NTM: variants seen among roughly 807,000 people sequenced by gnomAD.
NTM encodes IgLON family member 2.
NTM carries 13 observed loss-of-function variants against 42.1 expected under a neutral mutation model. The ratio of observed to expected loss-of-function variants is 0.31; its 90% CI spans 0.20 to 0.49. The LOEUF is 0.49. NTM is among the 20% of genes least tolerant of loss of function. The probability of loss-of-function intolerance (pLI) is 0.99; values close to 1 mark genes in which losing one functional copy is unlikely to be tolerated. For synonymous variants in NTM, 187 were observed against 179.2 expected (o/e 1.04, Z -0.35); for missense variants, 373 against 452.8 (o/e 0.82, Z 1.60).
intron 7 of NTM, among the ~76,000 whole-genome samples, chr11:132,315,666 A>G (rs1046865119): frequency 8.5e-5 from 13 of 152,190 alleles, no homozygotes; most frequent in African/African-American, 3.1e-4. Flanking sequence ...TGGCCCAGCC[A>G]TGTGCCCTCG....
chr11:132,230,647 A>G (rs936405582), intron 4 of NTM, among the ~76,000 whole-genome samples: 1 of 152,248 alleles, frequency 6.6e-6, no homozygotes, highest in African/African-American at 2.4e-5. Context: ...TCAAGTTAAG[A>G]CCGTGATAGG....
chr11:131,961,729 G>A (rs1466033820), intron 2 of NTM, among the ~76,000 whole-genome samples: 1 of 152,110 alleles, frequency 6.6e-6, no homozygotes, highest in Non-Finnish European at 1.5e-5. Context: ...CCCTGAGAGG[G>A]GGTCAAAAGT....
intron 1 of NTM, among the ~76,000 whole-genome samples, chr11:131,832,936 G>C (rs2043007227): frequency 1.3e-5 from 2 of 152,160 alleles, no homozygotes; most frequent in Admixed American, 6.6e-5. Flanking sequence ...GTTGTAATGA[G>C]ATTTCTCCTT....
chr11:131,853,237 A>C (rs2136859669), intron 1 of NTM, among the ~76,000 whole-genome samples: 1 of 152,102 alleles, frequency 6.6e-6, no homozygotes, highest in Middle Eastern at 3.4e-3. Context: ...TCTTTTTTTA[A>C]ATTTCCAACT....
chr11:131,819,001 C>G (rs1565590537), intron 1 of NTM, among the ~76,000 whole-genome samples: 1 of 152,204 alleles, frequency 6.6e-6, no homozygotes, highest in Non-Finnish European at 1.5e-5. Context: ...ATCATCCCCT[C>G]CTAACTGTTT....
chr11:131,777,085 A>G, intron 1 of NTM: 1 of 957,182 alleles, frequency 1.0e-6, no homozygotes, highest in African/African-American at 1.8e-5. Flanking sequence ...AGGTGTTGGA[A>G]GAAATTATTG....
intron 1 of NTM, among the ~76,000 whole-genome samples, chr11:131,729,194 A>G (rs527360531): frequency 6.6e-6 from 1 of 152,274 alleles, no homozygotes; most frequent in South Asian, 2.1e-4. Flanking sequence ...AAATGAGTTA[A>G]TACACGTAAA....
intron 3 of NTM, among the ~76,000 whole-genome samples, chr11:132,176,722 GTTTTTTTTTTTTT>G (rs148699196): frequency 1.2e-5 from 1 of 82,004 alleles, no homozygotes; most frequent in African/African-American, 4.8e-5. Context: ...CATGCCTAAA[GTTTTTTTTTTTTT>G]TTTTTTTTTT....
At chr11:132,169,396 C>T (rs1025265436) in intron 3 of NTM, among the ~76,000 whole-genome samples, 37 of 114,070 alleles carry the variant, frequency 3.2e-4, no homozygotes, top group African/African-American at 9.9e-4. Flanking sequence ...AGTGCAGTGG[C>T]GGGATCTCAG....
intron 2 of NTM, among the ~76,000 whole-genome samples, chr11:132,063,395 C>T (rs143395017): frequency 6.6e-6 from 1 of 152,226 alleles, no homozygotes; most frequent in East Asian, 1.9e-4. Flanking sequence ...TGTGATAATC[C>T]CACAAAGCTG....
At chr11:131,627,028 CT>C (rs2063170977) in intron 1 of NTM, among the ~76,000 whole-genome samples, 1 of 152,192 alleles carries the variant, frequency 6.6e-6, no homozygotes, top group Non-Finnish European at 1.5e-5. Context: ...GTTTGACAAG[CT>C]GGTTGCTCCA....
chr11:131,952,702 G>A lies in NTM; in HGVS notation c.167+41054G>A, dbSNP rs535182983. Among the ~76,000 whole-genome samples the A allele has an allele frequency of 9.2e-5, 14 of 152,200 alleles. No homozygotes were observed. In the South Asian group the frequency reaches 2.9e-3, roughly 32 times the overall value. ...ACTTAAAGACTGGCAGAAATCTAAA[G>A]CATTCAACTCAATTAATTTTCTCTA... On this transcript the variant is annotated intron_variant, in intron 2 of 8. Coordinates refer to ENST00000683400, the MANE Select transcript of NTM (RefSeq NM_001352005.2).
At chr11:131,788,981 G>A (rs1267581347) in intron 1 of NTM, among the ~76,000 whole-genome samples, 1 of 152,118 alleles carries the variant, frequency 6.6e-6, no homozygotes, top group African/African-American at 2.4e-5. Context: ...TTACCCGTTT[G>A]CTGAGCTGTT....
intron 2 of NTM, among the ~76,000 whole-genome samples, chr11:131,917,688 G>A (rs11222838): frequency 0.052 from 7,915 of 152,158 alleles, 314 homozygotes; most frequent in Non-Finnish European, 0.072. Context: ...GAGTTCACCC[G>A]TTCAGAATAG....
chr11:131,715,607 A>G (rs935521139), intron 1 of NTM, among the ~76,000 whole-genome samples: 1 of 152,120 alleles, frequency 6.6e-6, no homozygotes, highest in Admixed American at 6.6e-5. Context: ...AAGTTTCCTC[A>G]TTTCTTTTTG....
chr11:131,996,982 C>T (rs2068172325), intron 2 of NTM, among the ~76,000 whole-genome samples: 1 of 152,224 alleles, frequency 6.6e-6, no homozygotes, highest in Non-Finnish European at 1.5e-5. Context: ...CCTTCCCAGC[C>T]TGGACAACCC....
In NTM at chr11:131,828,239, G is replaced by C. The variant is rs78205650; in HGVS notation, c.83-83325G>C. Among the ~76,000 whole-genome samples the C allele has an allele frequency of 1.4e-3, 209 of 152,170 alleles. 1 individual carries two copies. Among genetic ancestry groups the C allele is most frequent in the Non-Finnish European group, 2.4e-3 (166 of 67,992 alleles). On this transcript the variant is annotated intron_variant, in intron 1 of 8. Transcript: ENST00000683400. ...AGCAAGTACGTAGTAAATGTCAGCT[G>C]TTATTATTTGTACTCTCGTCACTAT...
chr11:131,884,075 C>T (rs2049976439), intron 1 of NTM, among the ~76,000 whole-genome samples: 1 of 152,210 alleles, frequency 6.6e-6, no homozygotes, highest in Non-Finnish European at 1.5e-5. Flanking sequence ...AGCAACCCTA[C>T]AGACTAGATG....
At chr11:132,321,371 G>A (rs558411111) in intron 7 of NTM, among the ~76,000 whole-genome samples, 125 of 152,232 alleles carry the variant, frequency 8.2e-4, no homozygotes, top group Middle Eastern at 6.8e-3. Context: ...CGAGAACTAC[G>A]TGAAGAATGC....
Sources: gnomAD v4.1 joint callset for allele counts (sites outside exome capture counted in the v4.1 genomes callset) on GRCh38, gnomAD v4.1.1 for gene constraint, MANE v1.5 for transcripts, NCBI Gene and HGNC (gene_info 2026-07-23, HGNC 2026-07-21) for gene names.